Variants in DLGAP2 observed in about 807,000 individuals in gnomAD.
DLGAP2 encodes the protein DLG associated protein 2.
In DLGAP2, 26 loss-of-function variants were observed where a neutral mutation model predicts 100.3. The ratio of observed to expected loss-of-function variants is 0.26; its 90% CI spans 0.19 to 0.36. DLGAP2 has a LOEUF of 0.36. Among genes scored for constraint, DLGAP2 ranks in the 10% least tolerant of loss-of-function variants. The probability of loss-of-function intolerance (pLI) is 1.00; values close to 1 mark genes in which losing one functional copy is unlikely to be tolerated. For missense variants in DLGAP2, 1,858 were observed against 1,453.2 expected, an observed-to-expected ratio of 1.28 and a Z score of -4.53; for synonymous variants, 886 against 630.1, an observed-to-expected ratio of 1.41 and a Z score of -6.08.
At chr8:1,120,620 C>T (rs909227640) in intron 2 of DLGAP2, among the ~76,000 whole-genome samples, 1 of 151,308 alleles carries the variant, frequency 6.6e-6, no homozygotes, top group Non-Finnish European at 1.5e-5. Context: ...GGACCCATGA[C>T]CACCCATCCT....
intron 2 of DLGAP2, among the ~76,000 whole-genome samples, chr8:973,195 G>A (rs141580355): frequency 0.066 from 10,078 of 152,078 alleles, 463 homozygotes; most frequent in Admixed American, 0.13. Context: ...AGGGGCGGCC[G>A]GGCAGAGGCG....
At chr8:1,581,554 A>C (rs1803261807) in intron 6 of DLGAP2, among the ~76,000 whole-genome samples, 2 of 151,728 alleles carry the variant, frequency 1.3e-5, no homozygotes, top group Admixed American at 6.6e-5. Context: ...CAGTCAAACT[A>C]CCAGAAAGAT....
In DLGAP2 at chr8:1,288,329, G is replaced by T. The variant is rs892905499; in HGVS notation, c.106+29446G>T. On this transcript the variant is annotated intron_variant, in intron 3 of 14. Transcript: ENST00000637795. ...GGTTGTTAGGAGGGGAACTAGTTTC[G>T]TTTCAGTGTGTGTGTGTATGTAGTT... Among the ~76,000 whole-genome samples the T allele has an allele frequency of 3.5e-4, 49 of 139,272 alleles. 2 individuals are homozygous for T. The South Asian group carries it at 0.012, about 34-fold the overall frequency. 91.4% of individuals were successfully genotyped at this position (139,272 alleles called of 152,430 possible). A position where few individuals can be genotyped will look rare whatever the true frequency, so the allele number is the denominator to read the frequency against.
At chr8:993,910 T>G (rs1011270427) in intron 2 of DLGAP2, among the ~76,000 whole-genome samples, 1 of 150,750 alleles carries the variant, frequency 6.6e-6, no homozygotes, top group African/African-American at 2.4e-5. Context: ...GAGGCTTGAC[T>G]CTAATAGCAG....
At chr8:1,428,834 T>G (rs1207219293) in intron 3 of DLGAP2, among the ~76,000 whole-genome samples, 1 of 152,216 alleles carries the variant, frequency 6.6e-6, no homozygotes, top group African/African-American at 2.4e-5. Flanking sequence ...AAATCTGGCA[T>G]GCACGGTCTA....
intron 1 of DLGAP2, among the ~76,000 whole-genome samples, chr8:904,805 C>A (rs1027124340): frequency 6.6e-6 from 1 of 152,254 alleles, no homozygotes; most frequent in African/African-American, 2.4e-5. Flanking sequence ...CTGCTAAACG[C>A]TGCTGTAGAA....
At chr8:1,255,140 GTGTGTGT>G (rs1799163273) in intron 2 of DLGAP2, among the ~76,000 whole-genome samples, 1 of 128,624 alleles carries the variant, frequency 7.8e-6, no homozygotes, top group African/African-American at 3.1e-5. Context: ...CGGGCGCTGA[GTGTGTGT>G]CCTCTCCTGC....
At chr8:750,724 C>T (rs1820768119) in intron 1 of DLGAP2, among the ~76,000 whole-genome samples, 1 of 152,224 alleles carries the variant, frequency 6.6e-6, no homozygotes, top group Admixed American at 6.5e-5. Context: ...ACCATGCAGC[C>T]CCCACGGCTC....
chr8:1,425,214 A>G (rs1262314814), intron 3 of DLGAP2, among the ~76,000 whole-genome samples: 2 of 152,220 alleles, frequency 1.3e-5, no homozygotes, highest in Non-Finnish European at 2.9e-5. Context: ...TATGAATTCA[A>G]TCTTTTAACT....
At chr8:919,154 A>G (rs1798655967) in intron 2 of DLGAP2, among the ~76,000 whole-genome samples, 1 of 152,214 alleles carries the variant, frequency 6.6e-6, no homozygotes, top group Non-Finnish European at 1.5e-5. Flanking sequence ...GCATCTAAAA[A>G]TACATTATTA....
chr8:890,505 C>T lies in DLGAP2; in HGVS notation c.19-17407C>T, dbSNP rs148176488. ...TCTGGTTCTCGTTCTTATTCCTCTGCTCCGCCTTGCCAGGATGGCCCTTCT... is the reference window on the plus strand; with the variant it reads ...TCTGGTTCTCGTTCTTATTCCTCTGTTCCGCCTTGCCAGGATGGCCCTTCT... On this transcript the variant is annotated intron_variant, in intron 1 of 14. Coordinates refer to ENST00000637795, the MANE Select transcript of DLGAP2 (RefSeq NM_001346810.2). Among the ~76,000 whole-genome samples the T allele has an allele frequency of 9.3e-3, 1,407 of 152,046 alleles. 31 individuals are homozygous for T. The highest frequency in any genetic ancestry group is 0.032 in the African/African-American group (1,330 of 41,470).
chr8:1,426,067 G>C (rs1338739834), intron 3 of DLGAP2, among the ~76,000 whole-genome samples: 2 of 152,204 alleles, frequency 1.3e-5, no homozygotes, highest in African/African-American at 2.4e-5. Context: ...CCAAGGGAGA[G>C]CATCCCCTAA....
Position 1,549,560 on chromosome 8 carries a change from C to T in DLGAP2, c.1107C>T (p.Ser369=). The T allele has an allele frequency of 6.2e-7, 1 of 1,613,180 alleles. No homozygotes were observed. The highest frequency in any genetic ancestry group is 8.5e-7 in the Non-Finnish European group (1 of 1,179,838). The change falls in exon 5 of 15, where the codon AGC becomes AGT. Residue 369 remains serine (S), a synonymous_variant. Transcript: ENST00000637795. ...LTPDAKYLKR[S]SWSTLTVSQA... ...CCGACGCCAAGTACCTGAAGCGCAGCTCCTGGTCTACGCTGACGGTCAGCC... is the reference window on the plus strand; with the variant it reads ...CCGACGCCAAGTACCTGAAGCGCAGTTCCTGGTCTACGCTGACGGTCAGCC...
chr8:1,434,633 C>T (rs1264749397), intron 3 of DLGAP2, among the ~76,000 whole-genome samples: 1 of 152,138 alleles, frequency 6.6e-6, no homozygotes, highest in Non-Finnish European at 1.5e-5. Context: ...TGCGCCACCA[C>T]ACCAGGCTAA....
At chr8:758,611 G>C (rs940581933) in intron 1 of DLGAP2, among the ~76,000 whole-genome samples, 5 of 152,058 alleles carry the variant, frequency 3.3e-5, no homozygotes, top group East Asian at 1.9e-4. Context: ...GCCCAGGCTG[G>C]AGTGCAGTGG....
chr8:1,527,962 A>G (rs945038428), intron 4 of DLGAP2, among the ~76,000 whole-genome samples: 1 of 152,222 alleles, frequency 6.6e-6, no homozygotes, highest in African/African-American at 2.4e-5. Flanking sequence ...ATTACATACA[A>G]TTTTCATGGA....
At position 1,701,361 on chromosome 8, in the gene DLGAP2, G is replaced by T; in HGVS notation, c.3123G>T (p.Ala1041=). The T allele has an allele frequency of 1.3e-6, 2 of 1,597,596 alleles. No individual in the cohort carries two copies. Among genetic ancestry groups the T allele is most frequent in the South Asian group, 1.1e-5 (1 of 88,356 alleles). Residue 1041 remains alanine (A), a synonymous_variant, in exon 15 of 15, where the codon GCG becomes GCT. Transcript: ENST00000637795. The part of the protein sequence containing the change: ...SFRQNSASER[A]DSIEIYIPEA... ...GGCAGAATTCCGCCTCCGAGCGCGCGGACAGCATCGAGATCTACATCCCCG... is the reference window on the plus strand; with the variant it reads ...GGCAGAATTCCGCCTCCGAGCGCGCTGACAGCATCGAGATCTACATCCCCG...
chr8:1,435,701 A>G (rs904577066), intron 3 of DLGAP2, among the ~76,000 whole-genome samples: 5 of 151,750 alleles, frequency 3.3e-5, no homozygotes, highest in African/African-American at 1.2e-4. Context: ...GGTGTCCGGA[A>G]GAAGGCACTG....
chr8:1,259,147 C>T (rs9693377), intron 3 of DLGAP2, among the ~76,000 whole-genome samples: 32,575 of 152,058 alleles, frequency 0.21, 3,565 homozygotes, highest in East Asian at 0.28. Flanking sequence ...TCTGGATTGA[C>T]AAATTTCCAT....
Sources: allele counts gnomAD v4.1 joint callset (sites outside exome capture counted in the v4.1 genomes callset), GRCh38; gene constraint gnomAD v4.1.1; transcripts MANE v1.5; gene names NCBI Gene and HGNC (gene_info 2026-07-23, HGNC 2026-07-21).